NCOA2: variants seen among roughly 807,000 people sequenced by gnomAD.
The protein encoded by NCOA2 is class E basic helix-loop-helix protein 75.
In NCOA2, 21 loss-of-function variants were observed where a neutral mutation model predicts 145.1. The ratio of observed to expected loss-of-function variants is 0.14; its 90% confidence interval spans 0.10 to 0.21. NCOA2 has a LOEUF of 0.21. NCOA2 is among the 10% of genes least tolerant of loss of function. NCOA2 has a pLI of 1.00. For missense variants in NCOA2, 1,472 were observed against 1,837.6 expected (o/e 0.80, Z 3.64); for synonymous variants, 619 against 637.5 (o/e 0.97, Z 0.44).
the NCOA2 span, among the ~76,000 whole-genome samples, chr8:70,441,159 G>T: frequency 6.7e-6 from 1 of 149,256 alleles, no homozygotes; most frequent in South Asian, 2.1e-4. Context: ...AAGACTCTCA[G>T]GTCTACAGGC....
intron 2 of NCOA2, among the ~76,000 whole-genome samples, chr8:70,262,036 G>T (rs1211454122): frequency 6.6e-6 from 1 of 151,816 alleles, no homozygotes; most frequent in Non-Finnish European, 1.5e-5. Context: ...AGTATATATA[G>T]AAGATATTAT....
At chr8:70,442,451 G>C in the NCOA2 span, among the ~76,000 whole-genome samples, 2 of 152,234 alleles carry the variant, frequency 1.3e-5, no homozygotes, top group East Asian at 3.9e-4. Context: ...GACAAAAATA[G>C]TCACCATTCT....
chr8:70,310,209 C>CG (rs771084944), intron 1 of NCOA2, among the ~76,000 whole-genome samples: 10 of 151,018 alleles, frequency 6.6e-5, no homozygotes, highest in Non-Finnish European at 1.5e-4. Context: ...AGGTATGGTG[C>CG]GGGGGGTGCC....
intron 2 of NCOA2, among the ~76,000 whole-genome samples, chr8:70,229,696 C>A (rs183265039): frequency 6.6e-6 from 1 of 152,054 alleles, no homozygotes; most frequent in Admixed American, 6.5e-5. Context: ...GCCAGCACGA[C>A]CCCAGAACCA....
chr8:70,128,315 A>G, intron 18 of NCOA2, 118 bp downstream of exon 18: 2 of 800,156 alleles, frequency 2.5e-6, no homozygotes, highest in South Asian at 1.7e-5. Context: ...ATGACAGTAC[A>G]GGGCTAGTGT....
chr8:70,123,595 G>T (rs1430701363), intron 21 of NCOA2, among the ~76,000 whole-genome samples: 1 of 150,656 alleles, frequency 6.6e-6, no homozygotes, highest in Non-Finnish European at 1.5e-5. Context: ...CATCTTTAGA[G>T]ATTCATTTTA....
chr8:70,166,466 C>A, intron 7 of NCOA2, 100 bp downstream of exon 7: 1 of 1,324,222 alleles, frequency 7.6e-7, no homozygotes, highest in Non-Finnish European at 1.1e-6. Flanking sequence ...AAGATACTGC[C>A]TCCTCACTTT....
chr8:70,186,764 G>A (rs892803084), intron 4 of NCOA2, among the ~76,000 whole-genome samples: 1 of 152,158 alleles, frequency 6.6e-6, no homozygotes, highest in African/African-American at 2.4e-5. Context: ...AGGTAAAACA[G>A]TAGGTGAGAA....
intron 4 of NCOA2, among the ~76,000 whole-genome samples, chr8:70,184,997 C>T (rs1379531492): frequency 6.6e-6 from 1 of 152,192 alleles, no homozygotes; most frequent in African/African-American, 2.4e-5. Context: ...TTTTGTTCCA[C>T]TTCTCAGACC....
intron 1 of NCOA2, among the ~76,000 whole-genome samples, chr8:70,382,804 T>G (rs928349278): frequency 1.3e-5 from 2 of 152,148 alleles, no homozygotes; most frequent in South Asian, 2.1e-4. Flanking sequence ...ACCACAGAGA[T>G]TCTTTCCTCA....
intron 2 of NCOA2, among the ~76,000 whole-genome samples, chr8:70,227,623 G>A (rs1191831476): frequency 6.6e-6 from 1 of 152,090 alleles, no homozygotes; most frequent in African/African-American, 2.4e-5. Flanking sequence ...AACACTACTT[G>A]CTATGAGGCA....
intron 2 of NCOA2, among the ~76,000 whole-genome samples, chr8:70,289,766 G>T (rs1826520643): frequency 6.6e-6 from 1 of 152,040 alleles, no homozygotes; most frequent in Non-Finnish European, 1.5e-5. Flanking sequence ...CTCAAAATTG[G>T]ACTACATTGA....
intron 12 of NCOA2, 120 bp downstream of exon 12, chr8:70,148,153 C>T (rs944192984): frequency 1.1e-5 from 10 of 901,636 alleles, no homozygotes; most frequent in African/African-American, 1.6e-5. Context: ...GTAGATGGTG[C>T]TATTTGATCA....
the NCOA2 span, among the ~76,000 whole-genome samples, chr8:70,419,845 T>G: frequency 6.6e-6 from 1 of 152,234 alleles, no homozygotes; most frequent in East Asian, 1.9e-4. Flanking sequence ...TTTGTATACA[T>G]TTCCCATGAC....
chr8:70,154,717 T>G (rs1051983999), intron 11 of NCOA2, among the ~76,000 whole-genome samples: 1 of 152,208 alleles, frequency 6.6e-6, no homozygotes, highest in Admixed American at 6.5e-5. Flanking sequence ...TTTGTTTTTT[T>G]AATAAAGAAA....
the NCOA2 span, among the ~76,000 whole-genome samples, chr8:70,430,834 T>G: frequency 6.6e-6 from 1 of 152,224 alleles, no homozygotes; most frequent in South Asian, 2.1e-4. Context: ...GCTAATTGGA[T>G]TAAAGATTCA....
chr8:70,166,876 T>G, intron 6 of NCOA2, 122 bp from the exon 7 acceptor site: 1 of 883,078 alleles, frequency 1.1e-6, no homozygotes, highest in Non-Finnish European at 1.7e-6. Context: ...ACTTTTATAC[T>G]TGTCTAAATA....
At chr8:70,306,038 AGAGT>A (rs1827863410) in intron 1 of NCOA2, among the ~76,000 whole-genome samples, 1 of 152,230 alleles carries the variant, frequency 6.6e-6, no homozygotes, top group African/African-American at 2.4e-5. Flanking sequence ...GAGACTATAT[AGAGT>A]TTTTTGTCCT....
intron 4 of NCOA2, among the ~76,000 whole-genome samples, chr8:70,188,500 G>A (rs532441514): frequency 6.6e-5 from 10 of 152,318 alleles, no homozygotes; most frequent in Non-Finnish European, 1.5e-4. Flanking sequence ...AATAATGCAT[G>A]TGAAGCACTC....
Sources: allele counts gnomAD v4.1 joint callset (sites outside exome capture counted in the v4.1 genomes callset), GRCh38; gene constraint gnomAD v4.1.1; transcripts MANE v1.5; gene names NCBI Gene and HGNC (gene_info 2026-07-23, HGNC 2026-07-21).